The following CATSPERT variants were observed in gnomAD, a reference collection of about 807,000 sequenced individuals.
CATSPERT encodes the protein cation channel sperm-associated targeting subunit tau.
chr2:201,546,402 T>C, the CATSPERT span, among the ~76,000 whole-genome samples: 35 of 152,170 alleles, frequency 2.3e-4, no homozygotes, highest in African/African-American at 8.2e-4. Context: ...AAGAGTTTAA[T>C]GTCCAGAATA....
chr2:201,587,529 C>T, the CATSPERT span, among the ~76,000 whole-genome samples: 1 of 152,112 alleles, frequency 6.6e-6, no homozygotes, highest in Admixed American at 6.6e-5. Context: ...TACATTGTTT[C>T]TGATGGAGAG....
the CATSPERT span, chr2:201,555,614 T>C: frequency 6.6e-6 from 1 of 152,216 alleles, no homozygotes; most frequent in Non-Finnish European, 1.5e-5. Context: ...ATAGGAGCCA[T>C]AACCCTAATA....
chr2:201,590,359 C>T, the CATSPERT span, among the ~76,000 whole-genome samples: 1 of 152,082 alleles, frequency 6.6e-6, no homozygotes, highest in Non-Finnish European at 1.5e-5. Context: ...TGTATATGTG[C>T]CACATTTTCT....
the CATSPERT span, among the ~76,000 whole-genome samples, chr2:201,490,809 C>T: frequency 6.6e-6 from 1 of 152,086 alleles, no homozygotes; most frequent in African/African-American, 2.4e-5. Context: ...CTGCAAGCTC[C>T]GCCTCCCGGG....
chr2:201,571,333 C>T, the CATSPERT span, among the ~76,000 whole-genome samples: 1 of 152,176 alleles, frequency 6.6e-6, no homozygotes, highest in East Asian at 1.9e-4. Flanking sequence ...CCCATTTCAG[C>T]TTTTTTCCAT....
At chr2:201,507,102 T>C in the CATSPERT span, among the ~76,000 whole-genome samples, 1 of 152,190 alleles carries the variant, frequency 6.6e-6, no homozygotes, top group African/African-American at 2.4e-5. Flanking sequence ...GCTTAATGGA[T>C]GACATGATCA....
the CATSPERT span, among the ~76,000 whole-genome samples, chr2:201,544,779 G>A: frequency 6.9e-6 from 1 of 145,258 alleles, no homozygotes; most frequent in Non-Finnish European, 1.5e-5. Context: ...GAGCTCAAGA[G>A]TTTGAGACCA....
At chr2:201,518,403 C>T in the CATSPERT span, among the ~76,000 whole-genome samples, 2 of 152,238 alleles carry the variant, frequency 1.3e-5, no homozygotes, top group African/African-American at 4.8e-5. Flanking sequence ...ACTATTGAGA[C>T]TAAGGCTTTT....
chr2:201,535,162 A>G, the CATSPERT span: 1 of 984,318 alleles, frequency 1.0e-6, no homozygotes, highest in East Asian at 1.1e-4. Flanking sequence ...AGTTAAAATT[A>G]TGTCTTTTGA....
At chr2:201,517,571 A>C in the CATSPERT span, among the ~76,000 whole-genome samples, 1 of 152,220 alleles carries the variant, frequency 6.6e-6, no homozygotes. Context: ...AAGACTTCTA[A>C]GTCAGAAAGA....
At chr2:201,569,620 A>G in the CATSPERT span, among the ~76,000 whole-genome samples, 4 of 152,192 alleles carry the variant, frequency 2.6e-5, no homozygotes, top group South Asian at 4.1e-4. Context: ...GAGCTCTCCA[A>G]GGATGCCAGG....
At chr2:201,516,121 A>C in the CATSPERT span, among the ~76,000 whole-genome samples, 1 of 152,222 alleles carries the variant, frequency 6.6e-6, no homozygotes, top group Non-Finnish European at 1.5e-5. Flanking sequence ...AAACCTGTAC[A>C]TCATGTTACT....
chr2:201,589,932 A>T, the CATSPERT span, among the ~76,000 whole-genome samples: 1 of 152,116 alleles, frequency 6.6e-6, no homozygotes, highest in Non-Finnish European at 1.5e-5. Flanking sequence ...CAACCCCATT[A>T]AAAAGCAGAC....
chr2:201,491,988 T>C, the CATSPERT span: 19 of 1,537,014 alleles, frequency 1.2e-5, no homozygotes, highest in East Asian at 3.9e-4. Flanking sequence ...TGGAAGAAGG[T>C]TGTACTTTGA....
At chr2:201,494,316 G>T in the CATSPERT span, 1 of 1,537,086 alleles carries the variant, frequency 6.5e-7, no homozygotes, top group Non-Finnish European at 8.7e-7. Context: ...AAATTGACTT[G>T]AGTATCATTG....
the CATSPERT span, chr2:201,554,922 T>C: frequency 6.6e-6 from 1 of 152,214 alleles, no homozygotes; most frequent in African/African-American, 2.4e-5. Flanking sequence ...TTTAATAACC[T>C]GTTACTGTGT....
chr2:201,492,014 T>C, the CATSPERT span: 1 of 1,536,780 alleles, frequency 6.5e-7, no homozygotes, highest in Non-Finnish European at 8.7e-7. Flanking sequence ...CTTGGTGTTT[T>C]AGCTTCTTCC....
chr2:201,543,775 T>A, the CATSPERT span, among the ~76,000 whole-genome samples: 1 of 152,220 alleles, frequency 6.6e-6, no homozygotes, highest in Non-Finnish European at 1.5e-5. Context: ...GAATTTTCTA[T>A]ATGTAAGATC....
chr2:201,493,531 G>A, the CATSPERT span: 1 of 1,536,958 alleles, frequency 6.5e-7, no homozygotes, highest in Non-Finnish European at 8.7e-7. Context: ...TTCTAAAAGT[G>A]TATCTATAGG....
Sources: gnomAD v4.1 joint callset for allele counts (sites outside exome capture counted in the v4.1 genomes callset) on GRCh38, gnomAD v4.1.1 for gene constraint, MANE v1.5 for transcripts, NCBI Gene and HGNC (gene_info 2026-07-23, HGNC 2026-07-21) for gene names.